The following ACSBG1 variants were observed in gnomAD, a reference collection of about 807,000 sequenced individuals.
The protein encoded by ACSBG1 is long-chain-fatty-acid--CoA ligase ACSBG1.
A neutral mutation model predicts 80.2 loss-of-function variants in ACSBG1; 39 were observed. The ratio of observed to expected loss-of-function variants is 0.49; its 90% confidence interval spans 0.38 to 0.64. ACSBG1 has a LOEUF of 0.64. ACSBG1 is among the 30% of genes least tolerant of loss of function. The pLI is 0.00. For synonymous variants in ACSBG1, 392 were observed against 379.5 expected (o/e 1.03, Z -0.38); for missense variants, 828 against 966.4 (o/e 0.86, Z 1.90).
intron 1 of ACSBG1, among the ~76,000 whole-genome samples, chr15:78,214,594 C>T (rs541277233): frequency 4.6e-5 from 7 of 152,238 alleles, no homozygotes; most frequent in East Asian, 3.9e-4. Context: ...TGTGCACCAC[C>T]GTACTTGGCT....
chr15:78,179,182 C>T (rs564799772), intron 10 of ACSBG1, among the ~76,000 whole-genome samples: 4 of 152,264 alleles, frequency 2.6e-5, no homozygotes, highest in African/African-American at 9.6e-5. Flanking sequence ...CCCCCAACTC[C>T]TACCCCAGCT....
intron 1 of ACSBG1, among the ~76,000 whole-genome samples, chr15:78,234,083 A>G (rs970664434): frequency 1.3e-5 from 2 of 152,156 alleles, no homozygotes; most frequent in African/African-American, 4.8e-5. Context: ...TCTTGACTGA[A>G]AAATTCCTCC....
intron 1 of ACSBG1, among the ~76,000 whole-genome samples, chr15:78,210,016 G>A (rs2075253261): frequency 6.6e-6 from 1 of 152,240 alleles, no homozygotes; most frequent in Non-Finnish European, 1.5e-5. Context: ...AGCCACCAAA[G>A]GAAGCCAAGG....
chr15:78,233,278 CCAGGG>C (rs768623296), intron 1 of ACSBG1, among the ~76,000 whole-genome samples: 15 of 152,212 alleles, frequency 9.9e-5, no homozygotes, highest in Non-Finnish European at 1.8e-4. Flanking sequence ...CTCTGGAGAC[CCAGGG>C]CAGGGCCCAG....
chr15:78,204,382 C>A (rs2075195226), intron 2 of ACSBG1, among the ~76,000 whole-genome samples: 2 of 152,202 alleles, frequency 1.3e-5, no homozygotes, highest in Admixed American at 1.3e-4. Context: ...CAGGCTGGGT[C>A]TCCATCCACT....
At chr15:78,195,113 G>A (rs914306546) in intron 2 of ACSBG1, among the ~76,000 whole-genome samples, 2 of 152,192 alleles carry the variant, frequency 1.3e-5, no homozygotes, top group African/African-American at 4.8e-5. Flanking sequence ...CTGTGAACAG[G>A]TTGGGGACAG....
Position 78,180,968 on chromosome 15 carries a change from G to A in ACSBG1, c.1072-32C>T, listed in dbSNP as rs1441150141. ...ACACCAGAAGAGGCAGGCCTGTTGG[G>A]TCAGGGGCATCTGGGGCCCAGGGGT... On this transcript the variant is annotated intron_variant, in intron 8 of 13. Coordinates refer to ENST00000258873, the MANE Select transcript of ACSBG1 (RefSeq NM_015162.5). 5.6e-6 allele frequency: 9 copies of A among 1,598,428 alleles called. No individual in the cohort carries two copies. In the East Asian group the frequency reaches 1.8e-4, roughly 32 times the overall value.
Position 78,178,522 on chromosome 15 carries a change from G to A in ACSBG1, c.1702+92C>T, listed in dbSNP as rs1226380183. On this transcript the variant is annotated intron_variant, in intron 11 of 13. Coordinates refer to ENST00000258873, the MANE Select transcript of ACSBG1 (RefSeq NM_015162.5). This position sits in a 1 kb window ranked among gnomAD's most constrained non-coding sequence, Gnocchi z 4.3. ...TCGCTGTGCTGCCCAGGGTGGTCTT[G>A]AACTCCTGAGCTCAGACAATCTGCC... 2.1e-6 allele frequency: 3 copies of A among 1,412,226 alleles called. No individual in the cohort carries two copies. The highest frequency in any genetic ancestry group is 4.8e-5 in the East Asian group (2 of 41,788). The allele number at this position is 1,412,226 out of a possible 1,614,324, so 87.5% of individuals were successfully genotyped here. A position where few individuals can be genotyped will look rare whatever the true frequency, so the allele number is the denominator to read the frequency against.
chr15:78,182,429 C>G (rs760050590), intron 7 of ACSBG1, 37 bp downstream of exon 7: 3 of 1,597,644 alleles, frequency 1.9e-6, no homozygotes, highest in Non-Finnish European at 2.6e-6. Context: ...CCATAACCCC[C>G]TTGCACCCCC....
chr15:78,185,052 GGAGAGAGAGAGA>G lies in ACSBG1; in HGVS notation c.664-2279_664-2268del, dbSNP rs35144005. On this transcript the variant is annotated intron_variant, in intron 5 of 13. Transcript: ENST00000258873. ...AGGGAGAGAAAGGGGCGGAGGGGAG[GGAGAGAGAGAGA>G]GAGAGAGAGAGAGAGAGGAATACAG... Among the ~76,000 whole-genome samples the G allele has an allele frequency of 4.0e-4, 56 of 141,204 alleles. No homozygotes were observed. The South Asian group carries it at 7.5e-3, about 19-fold the overall frequency. The allele number at this position is 141,204 out of a possible 152,430, so 92.6% of individuals were successfully genotyped here.
chr15:78,206,872 C>G (rs2075220586), intron 2 of ACSBG1, among the ~76,000 whole-genome samples: 1 of 152,230 alleles, frequency 6.6e-6, no homozygotes, highest in Non-Finnish European at 1.5e-5. Flanking sequence ...CGGAGCCTCC[C>G]CCACAAATGG....
chr15:78,233,007 T>C (rs2075460415), intron 1 of ACSBG1, among the ~76,000 whole-genome samples: 1 of 152,240 alleles, frequency 6.6e-6, no homozygotes, highest in African/African-American at 2.4e-5. Flanking sequence ...TGTGCTCCTC[T>C]GAGCATCTCG....
chr15:78,193,405 G>A, intron 5 of ACSBG1, 101 bp downstream of exon 5: 4 of 1,500,386 alleles, frequency 2.7e-6, no homozygotes, highest in South Asian at 2.6e-5. Context: ...TGAGGATGAG[G>A]ACACTCTGGA....
At chr15:78,198,370 A>G (rs982261233) in intron 2 of ACSBG1, among the ~76,000 whole-genome samples, 3 of 135,942 alleles carry the variant, frequency 2.2e-5, no homozygotes, top group Admixed American at 7.5e-5. Flanking sequence ...TTTTTGAGAC[A>G]AAGTCTCACT....
At chr15:78,199,626 C>T (rs1050341085) in intron 2 of ACSBG1, among the ~76,000 whole-genome samples, 6 of 150,750 alleles carry the variant, frequency 4.0e-5, no homozygotes, top group African/African-American at 1.5e-4. Flanking sequence ...CACAAAGTAA[C>T]GGGGACCACA....
Position 78,193,445 on chromosome 15 carries a change from G to C in ACSBG1, c.663+61C>G. The stretch of plus-strand genomic sequence containing the variant: ...GGGCGGGAAGGTTCCGTGTGAGTTG[G>C]AGTGGAGGTGCATGGGGATACCCAG... On this transcript the variant is annotated intron_variant, in intron 5 of 13. Transcript: ENST00000258873. 3.2e-6 allele frequency: 5 copies of C among 1,556,516 alleles called. No homozygotes were observed. The South Asian group carries it at 6.1e-5, about 19-fold the overall frequency.
At position 78,167,748 on chromosome 15, in the gene ACSBG1, G is replaced by A. The variant is rs1461297015; in HGVS notation, c.*3696C>T. 1 of 152,076 alleles carries A rather than the reference G, an allele frequency of 6.6e-6. No individual in the cohort carries two copies. Among genetic ancestry groups the A allele is most frequent in the Non-Finnish European group, 1.5e-5 (1 of 68,032 alleles). The allele number at this position is 152,076 out of a possible 1,614,324, so 9.4% of individuals were successfully genotyped here. ...CTACTCTAGGTACCTCATGTAAGTG[G>A]AATCATACAGTATTTGTCCTTTGAG... On this transcript the variant is annotated 3_prime_UTR_variant, in exon 14 of 14. Coordinates refer to ENST00000258873, the MANE Select transcript of ACSBG1 (RefSeq NM_015162.5).
At chr15:78,214,414 T>C (rs1340396880) in intron 1 of ACSBG1, among the ~76,000 whole-genome samples, 1 of 152,206 alleles carries the variant, frequency 6.6e-6, no homozygotes, top group Non-Finnish European at 1.5e-5. Context: ...CCCTAGCTAG[T>C]GTTAGGTGGA....
chr15:78,183,301 G>A (rs1424614954), intron 5 of ACSBG1, among the ~76,000 whole-genome samples: 1 of 152,386 alleles, frequency 6.6e-6, no homozygotes, highest in African/African-American at 2.4e-5. Context: ...AAGAGGCCGG[G>A]TGTGGTGGCT....
Sources: gnomAD v4.1 joint callset for allele counts (sites outside exome capture counted in the v4.1 genomes callset) on GRCh38, gnomAD v4.1.1 for gene constraint, Gnocchi (gnomAD v3.1) non-coding constraint, MANE v1.5 for transcripts, NCBI Gene and HGNC (gene_info 2026-07-23, HGNC 2026-07-21) for gene names.